Variants in ESF1 observed in about 807,000 individuals in gnomAD.
ESF1 encodes ESF1 nucleolar pre-rRNA processing protein.
A neutral mutation model predicts 92.0 loss-of-function variants in ESF1; 58 were observed. That is an observed-to-expected ratio of 0.63 (90% CI 0.51 to 0.78). The LOEUF (loss-of-function observed/expected upper bound fraction) is 0.78. Among genes scored for constraint, ESF1 ranks in the 30% least tolerant of loss-of-function variants. The probability of loss-of-function intolerance (pLI) is 0.00; values close to 1 mark genes in which losing one functional copy is unlikely to be tolerated. For missense variants in ESF1, 922 were observed against 989.1 expected, an observed-to-expected ratio of 0.93 and a Z score of 0.91; for synonymous variants, 321 against 313.7, an observed-to-expected ratio of 1.02 and a Z score of -0.24.
intron 11 of ESF1, among the ~76,000 whole-genome samples, chr20:13,724,607 A>C (rs1472844771): frequency 6.6e-6 from 1 of 152,218 alleles, no homozygotes; most frequent in East Asian, 1.9e-4. Context: ...AAAGGTTCAG[A>C]ATTGAGTAAA....
chr20:13,757,308 C>A (rs1279574176), intron 9 of ESF1, among the ~76,000 whole-genome samples: 1 of 152,142 alleles, frequency 6.6e-6, no homozygotes, highest in African/African-American at 2.4e-5. Context: ...TGGGGTTTAT[C>A]TGAGGAAATA....
rs558826100 is a variant in ESF1, at chr20:13,717,223, G to T, written c.2262+145C>A. ...TCCTCATGCCTCGGCCTCCAAAAAA[G>T]TGTTGGGATTATAGGCGTGAGCCAC... On this transcript the variant is annotated intron_variant, in intron 13 of 13. Transcript: ENST00000617257. 3.1e-6 allele frequency: 3 copies of T among 963,588 alleles called. No individual in the cohort carries two copies. The South Asian group carries it at 5.0e-5, about 16-fold the overall frequency. 59.7% of individuals were successfully genotyped at this position (963,588 alleles called of 1,614,324 possible).
chr20:13,733,700 G>A, intron 10 of ESF1, 21 bp downstream of exon 10: 1 of 1,605,034 alleles, frequency 6.2e-7, no homozygotes, highest in African/African-American at 1.3e-5. Flanking sequence ...ACAAACATTT[G>A]GTCATAATTA....
intron 4 of ESF1, among the ~76,000 whole-genome samples, chr20:13,773,914 T>C (rs144313046): frequency 0.012 from 1,788 of 151,958 alleles, 40 homozygotes; most frequent in African/African-American, 0.041. Flanking sequence ...GCTAACACAG[T>C]GAAAACCCGT....
At chr20:13,752,480 GTT>G (rs1978683650) in intron 9 of ESF1, among the ~76,000 whole-genome samples, 1 of 152,090 alleles carries the variant, frequency 6.6e-6, no homozygotes, top group African/African-American at 2.4e-5. Flanking sequence ...TATTTTAAAA[GTT>G]CTGGCCAAAA....
chr20:13,763,661 A>C (rs75006080), intron 8 of ESF1, among the ~76,000 whole-genome samples: 1,751 of 152,350 alleles, frequency 0.011, 31 homozygotes, highest in African/African-American at 0.04. Flanking sequence ...CAGATAGAGG[A>C]AAATTGAAAA....
intron 9 of ESF1, among the ~76,000 whole-genome samples, chr20:13,749,419 A>C (rs983035695): frequency 1.3e-5 from 2 of 151,946 alleles, no homozygotes; most frequent in African/African-American, 4.8e-5. Context: ...CTACTAAAGC[A>C]CATCATTCCA....
chr20:13,718,311 A>G (rs1320095540), intron 12 of ESF1, among the ~76,000 whole-genome samples: 1 of 152,186 alleles, frequency 6.6e-6, no homozygotes, highest in African/African-American at 2.4e-5. Context: ...ACACTTCTGG[A>G]CAGTGACATG....
At chr20:13,783,348 A>G (rs1267552870) in intron 1 of ESF1, among the ~76,000 whole-genome samples, 165 bp from the exon 2 acceptor site, 3 of 152,242 alleles carry the variant, frequency 2.0e-5, no homozygotes, top group African/African-American at 7.2e-5. Context: ...TCTGGGTCAC[A>G]TGCAAAAAAG....
chr20:13,770,540 GTCT>G (rs1213075287), intron 6 of ESF1, among the ~76,000 whole-genome samples: 4 of 152,184 alleles, frequency 2.6e-5, no homozygotes, highest in African/African-American at 9.7e-5. Flanking sequence ...TAGAGACAGG[GTCT>G]CACTATGTTG....
At chr20:13,733,125 C>A (rs2147732971) in intron 10 of ESF1, among the ~76,000 whole-genome samples, 1 of 150,406 alleles carries the variant, frequency 6.6e-6, no homozygotes, top group South Asian at 2.1e-4. Flanking sequence ...AGGGTTTCGC[C>A]ATGTTGGCCA....
chr20:13,728,606 C>T (rs2049918703), intron 10 of ESF1, 141 bp from the exon 11 acceptor site: 1 of 683,704 alleles, frequency 1.5e-6, no homozygotes, highest in Admixed American at 3.0e-5. Flanking sequence ...GTGGCTCACG[C>T]CTGTAATCTG....
chr20:13,784,656 T>C (rs1722946762), intron 1 of ESF1, among the ~76,000 whole-genome samples: 1 of 150,064 alleles, frequency 6.7e-6, no homozygotes, highest in Non-Finnish European at 1.5e-5. Flanking sequence ...TTCCACCTCC[T>C]GTACCGCAGG....
intron 3 of ESF1, 23 bp from the exon 4 acceptor site, chr20:13,775,293 T>A: frequency 7.2e-7 from 1 of 1,396,364 alleles, no homozygotes; most frequent in Non-Finnish European, 1.0e-6. Context: ...AAGAATTAAA[T>A]AGTACATAAT....
intron 13 of ESF1, among the ~76,000 whole-genome samples, chr20:13,715,436 T>C (rs1316546175): frequency 6.6e-6 from 1 of 152,186 alleles, no homozygotes. Context: ...ATACATATTA[T>C]GGCCGGTAAC....
At chr20:13,751,257 G>A (rs948006549) in intron 9 of ESF1, among the ~76,000 whole-genome samples, 2 of 152,118 alleles carry the variant, frequency 1.3e-5, no homozygotes, top group African/African-American at 4.8e-5. Context: ...AATAATGAAG[G>A]ACAACCACAA....
chr20:13,783,995 T>A (rs1223700023), intron 1 of ESF1, among the ~76,000 whole-genome samples: 1 of 152,240 alleles, frequency 6.6e-6, no homozygotes, highest in Non-Finnish European at 1.5e-5. Context: ...CTAAGAAAGT[T>A]TCCTTTTTAA....
rs1423844383 is a variant in ESF1, at chr20:13,752,200, T to C, written c.1828+7492A>G. Among the ~76,000 whole-genome samples, 12 of 152,312 alleles carry C rather than the reference T, an allele frequency of 7.9e-5. No individual in the cohort carries two copies. The East Asian group carries it at 2.3e-3, about 29-fold the overall frequency. ...ACATGACTCCAATCTTTTTGCACAG[T>C]ATGAAGTTATAGCTTATTACCTTAC... is the stretch of plus-strand genomic sequence containing the variant. On this transcript the variant is annotated intron_variant, in intron 9 of 13. Transcript: ENST00000617257.
chr20:13,744,503 G>A (rs944467179), intron 9 of ESF1, among the ~76,000 whole-genome samples: 8 of 152,210 alleles, frequency 5.3e-5, no homozygotes, highest in Non-Finnish European at 8.8e-5. Flanking sequence ...CAGGGTGAAA[G>A]CTAAAGTCCA....
Sources: gnomAD v4.1 joint callset for allele counts (sites outside exome capture counted in the v4.1 genomes callset) on GRCh38, gnomAD v4.1.1 for gene constraint, MANE v1.5 for transcripts, NCBI Gene and HGNC (gene_info 2026-07-23, HGNC 2026-07-21) for gene names.